Variants in GALNTL6 observed in about 807,000 individuals in gnomAD.
GALNTL6 encodes polypeptide N-acetylgalactosaminyltransferase like 6.
A neutral mutation model predicts 73.7 loss-of-function variants in GALNTL6; 46 were observed. The observed-to-expected ratio is 0.62, with a 90% confidence interval of 0.49 to 0.80. The LOEUF (loss-of-function observed/expected upper bound fraction) is 0.80. Ranked by LOEUF, GALNTL6 falls within the 30% of genes least tolerant of loss-of-function variation. GALNTL6 has a pLI of 0.00. For synonymous variants in GALNTL6, 259 were observed against 263.7 expected (o/e 0.98, Z 0.17); for missense variants, 604 against 755.0 (o/e 0.80, Z 2.34).
chr4:171,918,205 CA>C (rs1737682291), intron 2 of GALNTL6, among the ~76,000 whole-genome samples: 1 of 151,654 alleles, frequency 6.6e-6, no homozygotes, highest in South Asian at 2.1e-4. Context: ...TGGGATAAAA[CA>C]AAATATACAT....
Position 172,020,345 on chromosome 4 carries a change from A to G in GALNTL6, c.138+205627A>G, listed in dbSNP as rs551167547. Among the ~76,000 whole-genome samples the G allele has an allele frequency of 4.0e-5, 6 of 151,794 alleles. No individual in the cohort carries two copies. The East Asian group carries it at 1.2e-3, about 29-fold the overall frequency. On this transcript the variant is annotated intron_variant, in intron 2 of 12. Transcript: ENST00000506823. ...TAAATAAAATTGAAATGAAGAAAAT[A>G]ATACAAAAGATCAAAGAAACAAAAG...
intron 8 of GALNTL6, among the ~76,000 whole-genome samples, chr4:172,886,540 C>T (rs979267736): frequency 1.6e-4 from 25 of 152,256 alleles, no homozygotes; most frequent in Middle Eastern, 3.4e-3. Context: ...CCAAGGCTGG[C>T]GGATCACAAG....
intron 5 of GALNTL6, among the ~76,000 whole-genome samples, chr4:172,721,001 A>G (rs927774470): frequency 9.2e-5 from 14 of 152,218 alleles, no homozygotes; most frequent in Non-Finnish European, 1.9e-4. Flanking sequence ...GTCACCATAG[A>G]AATGGCAGAA....
chr4:172,773,080 T>G (rs956607600), intron 5 of GALNTL6, among the ~76,000 whole-genome samples: 3 of 152,186 alleles, frequency 2.0e-5, no homozygotes, highest in African/African-American at 4.8e-5. Flanking sequence ...TTGGTCTATA[T>G]GGACTAGTCA....
chr4:172,219,516 G>A (rs1183093542), intron 2 of GALNTL6, among the ~76,000 whole-genome samples: 1 of 151,576 alleles, frequency 6.6e-6, no homozygotes, highest in Non-Finnish European at 1.5e-5. Flanking sequence ...AATAATCGAA[G>A]TTGTTTTCCC....
chr4:172,194,563 A>G (rs749538461), intron 2 of GALNTL6, among the ~76,000 whole-genome samples: 57 of 152,234 alleles, frequency 3.7e-4, no homozygotes, highest in Non-Finnish European at 7.1e-4. Flanking sequence ...GAGGTCGCCT[A>G]TAAAGCGAAG....
rs556978931 is a variant in GALNTL6, at chr4:172,702,453, A to G, written c.554-106908A>G. 2.2e-4 allele frequency among the ~76,000 whole-genome samples: 34 copies of G among 152,116 alleles called. 1 individual carries two copies. The South Asian group carries it at 6.8e-3, about 31-fold the overall frequency. On this transcript the variant is annotated intron_variant, in intron 5 of 12. Coordinates refer to ENST00000506823, the MANE Select transcript of GALNTL6 (RefSeq NM_001034845.3). The stretch of plus-strand genomic sequence containing the variant: ...TTTCTTTGTAGAGACTCTGCAGAAT[A>G]TGTTAGATTTATTCCTGCTGAAGTC...
At chr4:172,895,413 G>A (rs1298032624) in intron 8 of GALNTL6, among the ~76,000 whole-genome samples, 1 of 124,980 alleles carries the variant, frequency 8.0e-6, no homozygotes, top group Admixed American at 7.8e-5. Flanking sequence ...TTTTTTTTTT[G>A]CTTTCAGCAC....
intron 2 of GALNTL6, among the ~76,000 whole-genome samples, chr4:171,968,112 C>G (rs189357545): frequency 6.6e-6 from 1 of 152,086 alleles, no homozygotes; most frequent in East Asian, 1.9e-4. Context: ...GTTATCTTCC[C>G]TCTCCACTTT....
Position 172,021,787 on chromosome 4 carries a change from T to G in GALNTL6, c.138+207069T>G, listed in dbSNP as rs971644512. On this transcript the variant is annotated intron_variant, in intron 2 of 12. Transcript: ENST00000506823. The stretch of plus-strand genomic sequence containing the variant: ...AATAGAGAACACAGAAACAAATCCA[T>G]ATATCTACAGTAAACTCGTTTTCAA... Among the ~76,000 whole-genome samples, 6 of 151,942 alleles carry G rather than the reference T, an allele frequency of 3.9e-5. No homozygotes were observed. In the South Asian group the frequency reaches 1.2e-3, roughly 31 times the overall value.
chr4:172,769,406 T>C (rs1463234821), intron 5 of GALNTL6, among the ~76,000 whole-genome samples: 1 of 152,034 alleles, frequency 6.6e-6, no homozygotes, highest in Admixed American at 6.6e-5. Flanking sequence ...AAATATAGAA[T>C]ACAAGGGAGA....
At chr4:172,695,359 CAT>C (rs1425648002) in intron 5 of GALNTL6, among the ~76,000 whole-genome samples, 100 of 152,324 alleles carry the variant, frequency 6.6e-4, no homozygotes, top group African/African-American at 2.2e-3. Flanking sequence ...CTGATTCATT[CAT>C]TTCTTTCTCT....
chr4:172,046,578 T>C (rs1742228238), intron 2 of GALNTL6, among the ~76,000 whole-genome samples: 1 of 152,180 alleles, frequency 6.6e-6, no homozygotes. Context: ...AGGTGTGAGA[T>C]GATCTCTCTT....
At chr4:172,110,170 A>C (rs1732812118) in intron 2 of GALNTL6, among the ~76,000 whole-genome samples, 1 of 152,216 alleles carries the variant, frequency 6.6e-6, no homozygotes, top group Non-Finnish European at 1.5e-5. Flanking sequence ...AAAAATATAA[A>C]ACCTTTTTTG....
At chr4:173,033,283 A>C (rs1418113791) in intron 12 of GALNTL6, among the ~76,000 whole-genome samples, 1 of 151,944 alleles carries the variant, frequency 6.6e-6, no homozygotes, top group African/African-American at 2.4e-5. Context: ...GATTACAGGC[A>C]TGAGCCACTG....
At chr4:171,999,234 T>C (rs1399293280) in intron 2 of GALNTL6, among the ~76,000 whole-genome samples, 2 of 152,118 alleles carry the variant, frequency 1.3e-5, no homozygotes, top group African/African-American at 4.8e-5. Flanking sequence ...ACAACAGTGG[T>C]GGAGAGGTGG....
At chr4:172,138,293 A>G (rs1342398004) in intron 2 of GALNTL6, among the ~76,000 whole-genome samples, 1 of 150,420 alleles carries the variant, frequency 6.6e-6, no homozygotes, top group African/African-American at 2.4e-5. Context: ...TCTCTCAATG[A>G]TTTTATCATA....
At chr4:171,947,548 G>A (rs13118900) in intron 2 of GALNTL6, among the ~76,000 whole-genome samples, 3 of 152,166 alleles carry the variant, frequency 2.0e-5, no homozygotes, top group Admixed American at 6.5e-5. Context: ...ACAGAGTGCT[G>A]ACAGGAAACA....
intron 5 of GALNTL6, among the ~76,000 whole-genome samples, chr4:172,584,691 G>A (rs1471214089): frequency 6.6e-6 from 1 of 152,166 alleles, no homozygotes; most frequent in African/African-American, 2.4e-5. Flanking sequence ...GATTTGGGAG[G>A]AGGAAGAATG....
Sources: allele counts gnomAD v4.1 joint callset (sites outside exome capture counted in the v4.1 genomes callset), GRCh38; gene constraint gnomAD v4.1.1; transcripts MANE v1.5; gene names NCBI Gene and HGNC (gene_info 2026-07-23, HGNC 2026-07-21).